Variants in FLI1 observed in about 807,000 individuals in gnomAD.
FLI1 encodes Friend leukemia integration 1 transcription factor.
A neutral mutation model predicts 53.1 loss-of-function variants in FLI1; 13 were observed. The ratio of observed to expected loss-of-function variants is 0.24; its 90% CI spans 0.16 to 0.39. The LOEUF (loss-of-function observed/expected upper bound fraction) is 0.39. Among genes scored for constraint, FLI1 ranks in the 10% least tolerant of loss-of-function variants. FLI1 has a pLI of 1.00. For missense variants in FLI1, 424 were observed against 600.5 expected (o/e 0.71, Z 3.07); for synonymous variants, 244 against 236.7 (o/e 1.03, Z -0.28).
upstream of FLI1, among the ~76,000 whole-genome samples, chr11:128,685,274 T>C (rs1293627232): frequency 1.3e-5 from 2 of 152,192 alleles, no homozygotes; most frequent in Non-Finnish European, 2.9e-5. Context: ...GGCTGGGTTC[T>C]GGGAGCTCTG....
intron 5 of FLI1, among the ~76,000 whole-genome samples, chr11:128,794,112 A>G (rs56075660): frequency 0.12 from 18,112 of 152,222 alleles, 1,181 homozygotes; most frequent in East Asian, 0.27. Context: ...CCTTGACACT[A>G]CACGCTCATC....
At chr11:128,781,346 G>T (rs902290217) in intron 4 of FLI1, among the ~76,000 whole-genome samples, 3 of 152,214 alleles carry the variant, frequency 2.0e-5, no homozygotes, top group African/African-American at 7.2e-5. Flanking sequence ...AGGAAGGAGT[G>T]ATACTGGCTT....
intron 1 of FLI1, among the ~76,000 whole-genome samples, chr11:128,748,681 A>G (rs1424711683): frequency 6.6e-6 from 1 of 152,082 alleles, no homozygotes; most frequent in Non-Finnish European, 1.5e-5. Flanking sequence ...GACACTCTGA[A>G]GCTCTGTGGC....
intron 1 of FLI1, among the ~76,000 whole-genome samples, chr11:128,709,119 G>A (rs910010762): frequency 1.3e-5 from 2 of 152,106 alleles, no homozygotes; most frequent in African/African-American, 4.8e-5. Flanking sequence ...TGTGGTCTTC[G>A]GTCAGATAAT....
chr11:128,767,161 A>G (rs663461), intron 2 of FLI1, among the ~76,000 whole-genome samples: 43,386 of 152,088 alleles, frequency 0.29, 6,849 homozygotes, highest in South Asian at 0.39. Context: ...GCTGCCCATC[A>G]CCAGTGCTGC....
chr11:128,766,312 G>A (rs955664391), intron 2 of FLI1, among the ~76,000 whole-genome samples: 1 of 152,154 alleles, frequency 6.6e-6, no homozygotes, highest in Non-Finnish European at 1.5e-5. Flanking sequence ...CCCTGCCATG[G>A]GGACGTTAAA....
chr11:128,795,247 T>C (rs1037055103), intron 5 of FLI1, among the ~76,000 whole-genome samples: 1 of 152,238 alleles, frequency 6.6e-6, no homozygotes, highest in Non-Finnish European at 1.5e-5. Context: ...CCTCAAGATA[T>C]GTTTTTCTTC....
chr11:128,765,638 C>A (rs955959526), intron 2 of FLI1, among the ~76,000 whole-genome samples: 5 of 152,294 alleles, frequency 3.3e-5, no homozygotes, highest in African/African-American at 1.2e-4. Context: ...ACCTCTCCCA[C>A]AGAGGCCGCC....
chr11:128,704,362 A>G (rs893432272), intron 1 of FLI1, among the ~76,000 whole-genome samples: 1 of 152,016 alleles, frequency 6.6e-6, no homozygotes, highest in African/African-American at 2.4e-5. Flanking sequence ...GGTTGTTTTT[A>G]TTGCCAAGTG....
Position 128,812,692 on chromosome 11 carries a change from G to A in FLI1, c.*1704G>A, listed in dbSNP as rs553004325. On this transcript the variant is annotated 3_prime_UTR_variant, in exon 9 of 9. Coordinates refer to ENST00000527786, the MANE Select transcript of FLI1 (RefSeq NM_002017.5). ...CTGTATGTAAGGACTGGAGCAAAGCGAGCTGGTCTATCCAGACTGGTCTGT... is the reference window on the plus strand; with the variant it reads ...CTGTATGTAAGGACTGGAGCAAAGCAAGCTGGTCTATCCAGACTGGTCTGT... 6.3e-5 allele frequency: 14 copies of A among 221,292 alleles called. No homozygotes were observed. Among genetic ancestry groups the A allele is most frequent in the South Asian group, 3.7e-4 (2 of 5,462 alleles). The allele number at this position is 221,292 out of a possible 1,614,324, so 13.7% of individuals were successfully genotyped here. A position where few individuals can be genotyped will look rare whatever the true frequency, so the allele number is the denominator to read the frequency against.
chr11:128,782,084 T>G (rs1941933717), intron 5 of FLI1, 61 bp downstream of exon 5: 3 of 1,346,370 alleles, frequency 2.2e-6, no homozygotes, highest in Non-Finnish European at 3.2e-6. Context: ...CACAGGCCCA[T>G]GCTGTTAAGG....
intron 4 of FLI1, among the ~76,000 whole-genome samples, chr11:128,778,055 C>T (rs1941795539): frequency 1.3e-5 from 2 of 152,198 alleles, no homozygotes; most frequent in African/African-American, 2.4e-5. Flanking sequence ...TTTGGGAAGG[C>T]CATTCTATTC....
intron 1 of FLI1, among the ~76,000 whole-genome samples, chr11:128,751,308 T>C (rs1160649243): frequency 1.3e-5 from 2 of 152,124 alleles, no homozygotes; most frequent in Non-Finnish European, 2.9e-5. Flanking sequence ...TCCAACCCAA[T>C]GGTTCTCACG....
intron 1 of FLI1, among the ~76,000 whole-genome samples, chr11:128,750,061 G>A (rs1450845891): frequency 6.6e-6 from 1 of 152,210 alleles, no homozygotes; most frequent in African/African-American, 2.4e-5. Context: ...GCAAGAGAAG[G>A]GACTTCGTGT....
At chr11:128,711,548 T>A (rs1034896865) in intron 1 of FLI1, among the ~76,000 whole-genome samples, 3 of 152,226 alleles carry the variant, frequency 2.0e-5, no homozygotes, top group Non-Finnish European at 4.4e-5. Flanking sequence ...ATCAAAAGGA[T>A]AGTCACGAAT....
At chr11:128,728,041 C>T (rs1242135482) in intron 1 of FLI1, among the ~76,000 whole-genome samples, 1 of 152,226 alleles carries the variant, frequency 6.6e-6, no homozygotes, top group Non-Finnish European at 1.5e-5. Flanking sequence ...TCCTCACAAG[C>T]TGAAACAAAA....
At chr11:128,805,819 C>T (rs1942767323) in intron 6 of FLI1, 1 of 172,802 alleles carries the variant, frequency 5.8e-6, no homozygotes, top group Non-Finnish European at 1.2e-5. Context: ...CCCCATTCCC[C>T]TTGATACTGG....
chr11:128,764,472 G>A (rs1417950685), intron 2 of FLI1, among the ~76,000 whole-genome samples: 6 of 152,212 alleles, frequency 3.9e-5, no homozygotes, highest in Non-Finnish European at 8.8e-5. Flanking sequence ...GCTCTATTGT[G>A]GCAGCCCCAG....
At chr11:128,693,208 C>T (rs1448876743), upstream of FLI1, 1 of 152,242 alleles carries the variant, frequency 6.6e-6, no homozygotes, top group African/African-American at 2.4e-5. Flanking sequence ...CGGATCTCCG[C>T]CCTCTGCGGG....
Sources: gnomAD v4.1 joint callset for allele counts (sites outside exome capture counted in the v4.1 genomes callset) on GRCh38, gnomAD v4.1.1 for gene constraint, MANE v1.5 for transcripts, NCBI Gene and HGNC (gene_info 2026-07-23, HGNC 2026-07-21) for gene names.